FMN2: variants seen among roughly 807,000 people sequenced by gnomAD.
The protein encoded by FMN2 is formin 2.
In FMN2, 51 loss-of-function variants were observed where a neutral mutation model predicts 142.3. That is an observed-to-expected ratio of 0.36 (90% CI 0.29 to 0.45). The LOEUF (loss-of-function observed/expected upper bound fraction) is 0.45. Among genes scored for constraint, FMN2 ranks in the 20% least tolerant of loss-of-function variants. The pLI, the probability that FMN2 is intolerant of heterozygous loss-of-function variation, is 1.00. For missense variants in FMN2, 1,936 were observed against 2,122.8 expected (o/e 0.91, Z 1.73); for synonymous variants, 882 against 869.8 (o/e 1.01, Z -0.25).
At chr1:240,275,187 G>C (rs188993062) in intron 7 of FMN2, among the ~76,000 whole-genome samples, 102 of 151,056 alleles carry the variant, frequency 6.8e-4, no homozygotes, top group African/African-American at 2.3e-3. Context: ...TTTGCTGCAT[G>C]CATCAACCCG....
At chr1:240,305,882 A>G (rs561359360) in intron 8 of FMN2, among the ~76,000 whole-genome samples, 1 of 152,210 alleles carries the variant, frequency 6.6e-6, no homozygotes, top group Non-Finnish European at 1.5e-5. Context: ...GATATAAACC[A>G]TTATAAGGTC....
At chr1:240,143,572 C>T (rs966130695) in intron 2 of FMN2, 3 of 1,606,310 alleles carry the variant, frequency 1.9e-6, no homozygotes, top group African/African-American at 2.7e-5. Flanking sequence ...CAGCACATTC[C>T]CAGAGCCTGC....
chr1:240,301,903 C>A (rs1022886344), intron 8 of FMN2, among the ~76,000 whole-genome samples: 1 of 131,082 alleles, frequency 7.6e-6, no homozygotes, highest in Non-Finnish European at 1.6e-5. Flanking sequence ...GATTTTTCAC[C>A]ACATTTGACA....
intron 2 of FMN2, among the ~76,000 whole-genome samples, chr1:240,172,187 A>G (rs11809317): frequency 0.32 from 49,006 of 151,748 alleles, 8,762 homozygotes; most frequent in African/African-American, 0.49. Context: ...TTTGTGAAAT[A>G]TTACACATAC....
Position 240,422,255 on chromosome 1 carries a change from T to A in FMN2, c.4911-15806T>A, listed in dbSNP as rs1043806107. ...GATCTTTTGCTTTTCCATATAAATT[T>A]TAGAATCAATTGTTGATATCTACAA... is the stretch of plus-strand genomic sequence containing the variant. On this transcript the variant is annotated intron_variant, in intron 15 of 17. Coordinates refer to ENST00000319653, the MANE Select transcript of FMN2 (RefSeq NM_020066.5). Among the ~76,000 whole-genome samples, 89 of 152,194 alleles carry A rather than the reference T, an allele frequency of 5.8e-4. 1 individual carries two copies. Among genetic ancestry groups the A allele is most frequent in the African/African-American group, 2.1e-3 (88 of 41,430 alleles).
Position 240,178,231 on chromosome 1 carries a change from C to G in FMN2, c.1930+163C>G, listed in dbSNP as rs1241884755. The G allele has an allele frequency of 4.0e-6, 3 of 748,984 alleles. No individual in the cohort carries two copies. The East Asian group carries it at 9.4e-5, about 24-fold the overall frequency. The allele number at this position is 748,984 out of a possible 1,614,324, so 46.4% of individuals were successfully genotyped here. The stretch of plus-strand genomic sequence containing the variant: ...TTTGGGGTCTTTTCTCTCTTTGTTC[C>G]TTTTGTTGTCTTATTTTGTGTTATT... On this transcript the variant is annotated intron_variant, in intron 3 of 17. Transcript: ENST00000319653.
chr1:240,371,961 C>A (rs554927236), intron 14 of FMN2, among the ~76,000 whole-genome samples: 79 of 152,268 alleles, frequency 5.2e-4, no homozygotes, highest in Admixed American at 5.2e-3. Flanking sequence ...GTCAGCTGGG[C>A]ATGGTGGCTC....
chr1:240,318,883 C>G (rs1670877104), intron 8 of FMN2, among the ~76,000 whole-genome samples: 1 of 151,950 alleles, frequency 6.6e-6, no homozygotes, highest in Non-Finnish European at 1.5e-5. Context: ...TTTAGGATAA[C>G]CCCCAGCTTT....
At chr1:240,143,882 G>A in intron 2 of FMN2, 1 of 1,586,070 alleles carries the variant, frequency 6.3e-7, no homozygotes, top group Non-Finnish European at 8.7e-7. Context: ...CAGCAGCAGT[G>A]TTAGGACATC....
intron 5 of FMN2, 31 bp from the exon 6 acceptor site, chr1:240,211,060 G>A (rs746990135): frequency 4.4e-6 from 7 of 1,576,830 alleles, no homozygotes; most frequent in South Asian, 1.2e-5. Flanking sequence ...CAGTTTGATG[G>A]CTGTTTTATT....
At chr1:240,288,205 C>T (rs575329275) in intron 7 of FMN2, among the ~76,000 whole-genome samples, 13 of 152,232 alleles carry the variant, frequency 8.5e-5, no homozygotes, top group African/African-American at 3.1e-4. Flanking sequence ...GAAGCATGAC[C>T]ATGTAATTAT....
chr1:240,155,419 G>A (rs1407260561), intron 2 of FMN2, among the ~76,000 whole-genome samples: 1 of 152,118 alleles, frequency 6.6e-6, no homozygotes, highest in East Asian at 1.9e-4. Flanking sequence ...GGAATAGCTG[G>A]GATTAGATGT....
intron 1 of FMN2, among the ~76,000 whole-genome samples, chr1:240,119,159 C>T (rs900721915): frequency 2.0e-5 from 3 of 151,972 alleles, no homozygotes; most frequent in Non-Finnish European, 4.4e-5. Context: ...GAAATCTCCT[C>T]TCTACTAAAG....
intron 14 of FMN2, among the ~76,000 whole-genome samples, chr1:240,362,508 C>T (rs1021118001): frequency 6.6e-6 from 1 of 152,070 alleles, no homozygotes; most frequent in Non-Finnish European, 1.5e-5. Flanking sequence ...CAGTACACTC[C>T]TTCCTTTTTT....
chr1:240,392,412 A>C, intron 14 of FMN2, 99 bp from the exon 15 acceptor site: 1 of 862,300 alleles, frequency 1.2e-6, no homozygotes, highest in East Asian at 2.5e-5. Flanking sequence ...AATAGAATTA[A>C]TAATTAAAAT....
chr1:240,451,386 G>A (rs1295360249), intron 16 of FMN2, among the ~76,000 whole-genome samples: 31 of 151,930 alleles, frequency 2.0e-4, no homozygotes, highest in Admixed American at 2.0e-3. Flanking sequence ...TCTTGAGGAG[G>A]ACAGAATTGC....
At chr1:240,110,518 C>T (rs79661787) in intron 1 of FMN2, among the ~76,000 whole-genome samples, 4,699 of 152,244 alleles carry the variant, frequency 0.031, 187 homozygotes, top group African/African-American at 0.098. Flanking sequence ...AACATTTGTT[C>T]TGATGGTGAA....
In FMN2 at chr1:240,208,743, A is replaced by C. The variant is rs199579391; in HGVS notation, c.3920+11A>C. 284 of 1,598,948 alleles carry C rather than the reference A, an allele frequency of 1.8e-4. 3 individuals are homozygous for C. The highest frequency in any genetic ancestry group is 1.5e-3 in the Middle Eastern group (9 of 6,014). On this transcript the variant is annotated intron_variant, in intron 5 of 17. Transcript: ENST00000319653. ...ACTACATAGTAAAAGGTAACATGAA[A>C]GTGAGCTCGTCTTTGCACAGTGTGT... is the stretch of plus-strand genomic sequence containing the variant.
intron 6 of FMN2, among the ~76,000 whole-genome samples, chr1:240,255,942 T>A (rs1474634088): frequency 6.6e-6 from 1 of 152,104 alleles, no homozygotes; most frequent in African/African-American, 2.4e-5. Flanking sequence ...ACGCAAATAT[T>A]TAAGGTGAAA....
Sources: allele counts gnomAD v4.1 joint callset (sites outside exome capture counted in the v4.1 genomes callset), GRCh38; gene constraint gnomAD v4.1.1; transcripts MANE v1.5; gene names NCBI Gene and HGNC (gene_info 2026-07-23, HGNC 2026-07-21).